The following MCMBP variants were observed in gnomAD, a reference collection of about 807,000 sequenced individuals.
The protein encoded by MCMBP is minichromosome maintenance complex binding protein.
A neutral mutation model predicts 81.3 loss-of-function variants in MCMBP; 31 were observed. That is an observed-to-expected ratio of 0.38 (90% CI 0.29 to 0.51). The LOEUF (loss-of-function observed/expected upper bound fraction) is 0.51. Ranked by LOEUF, MCMBP falls within the 20% of genes least tolerant of loss-of-function variation. The pLI, the probability that MCMBP is intolerant of heterozygous loss-of-function variation, is 0.87. For missense variants in MCMBP, 645 were observed against 772.1 expected (o/e 0.84, Z 1.95); for synonymous variants, 267 against 275.9 (o/e 0.97, Z 0.32).
Position 119,872,727 on chromosome 10 carries a change from C to T in MCMBP, c.-143G>A. ...CTCGCGCCCTCCCACGCACAGCGAGCCGCGGGGCGCGGGCCTCCCGCGCCT... is the reference window on the plus strand; with the variant it reads ...CTCGCGCCCTCCCACGCACAGCGAGTCGCGGGGCGCGGGCCTCCCGCGCCT... On this transcript the variant is annotated 5_prime_UTR_variant, in exon 1 of 16. Transcript: ENST00000369077. 1 of 255,766 alleles carries T rather than the reference C, an allele frequency of 3.9e-6. No homozygotes were observed. Among genetic ancestry groups the T allele is most frequent in the Non-Finnish European group, 6.6e-6 (1 of 151,440 alleles). The allele number at this position is 255,766 out of a possible 1,614,324, so 15.8% of individuals were successfully genotyped here.
At chr10:119,862,681 T>G (rs1853303654) in intron 1 of MCMBP, among the ~76,000 whole-genome samples, 2 of 152,322 alleles carry the variant, frequency 1.3e-5, no homozygotes, top group South Asian at 4.1e-4. Context: ...GAACATGAGC[T>G]TTCATTTCTC....
At chr10:119,838,284 T>C (rs1275138101) in intron 12 of MCMBP, among the ~76,000 whole-genome samples, 2 of 144,672 alleles carry the variant, frequency 1.4e-5, no homozygotes, top group African/African-American at 5.1e-5. Flanking sequence ...ATATATGATA[T>C]ATATTATATA....
intron 5 of MCMBP, among the ~76,000 whole-genome samples, chr10:119,854,758 ACCATCCTGGC>A (rs1389704608): frequency 6.6e-6 from 1 of 151,770 alleles, no homozygotes; most frequent in Non-Finnish European, 1.5e-5. Context: ...GGAGATTAAG[ACCATCCTGGC>A]CAACATGGTG....
chr10:119,856,991 T>C (rs1262536578), intron 5 of MCMBP, among the ~76,000 whole-genome samples: 2 of 150,664 alleles, frequency 1.3e-5, no homozygotes, highest in Non-Finnish European at 2.9e-5. Flanking sequence ...TCCCAGCTAC[T>C]TGGGAGGCTG....
chr10:119,853,044 C>G lies in MCMBP; in HGVS notation c.574+6G>C, dbSNP rs1298951951. The G allele has an allele frequency of 6.2e-7, 1 of 1,613,788 alleles. No homozygotes were observed. Among genetic ancestry groups the G allele is most frequent in the Non-Finnish European group, 8.5e-7 (1 of 1,179,870 alleles). The stretch of plus-strand genomic sequence containing the variant: ...AGTCTAGAGAAAACCTGTTGGCACA[C>G]ACTACCTGCTTGTCTGGCACCTGCA... On this transcript the variant is annotated splice_donor_region_variant and intron_variant, in intron 6 of 15. Transcript: ENST00000369077.
rs1851952075 is a variant in MCMBP at position 119,830,081 on chromosome 10, A to C, written c.*1393T>G. 1 of 152,664 alleles carries C rather than the reference A, an allele frequency of 6.6e-6. No individual in the cohort carries two copies. Among genetic ancestry groups the C allele is most frequent in the Non-Finnish European group, 1.5e-5 (1 of 68,040 alleles). The allele number at this position is 152,664 out of a possible 1,614,324, so 9.5% of individuals were successfully genotyped here. ...ATATAAACATTATTTACATTTGTTT[A>C]TAAAAATAGATTTGAGTTTAGGAAA... On this transcript the variant is annotated 3_prime_UTR_variant, in exon 16 of 16. Transcript: ENST00000369077.
At position 119,842,782 on chromosome 10, in the gene MCMBP, G is replaced by C. The variant is rs907219388; in HGVS notation, c.1001-187C>G. 3 of 444,478 alleles carry C rather than the reference G, an allele frequency of 6.7e-6. No homozygotes were observed. In the Admixed American group the frequency reaches 1.4e-4, roughly 21 times the overall value. 27.5% of individuals were successfully genotyped at this position (444,478 alleles called of 1,614,324 possible). On this transcript the variant is annotated intron_variant, in intron 9 of 15. Transcript: ENST00000369077. ...TTGCATCCTCCTTTTTTTTTTTTTT[G>C]AGACCAAGTTTTGCTCTTTTTGCCT...
chr10:119,853,799 A>G (rs1852921697), intron 5 of MCMBP, among the ~76,000 whole-genome samples: 2 of 152,256 alleles, frequency 1.3e-5, no homozygotes, highest in South Asian at 4.1e-4. Flanking sequence ...GTATAATACT[A>G]TAATGGACCC....
chr10:119,865,836 G>A (rs1589801636), intron 1 of MCMBP, among the ~76,000 whole-genome samples: 1 of 152,194 alleles, frequency 6.6e-6, no homozygotes, highest in East Asian at 1.9e-4. Context: ...AGCACTTTGG[G>A]AGGCCGAGGC....
At chr10:119,872,434 T>C (rs1853719749) in intron 1 of MCMBP, 93 bp downstream of exon 1, 2 of 727,794 alleles carry the variant, frequency 2.7e-6, no homozygotes, top group Non-Finnish European at 3.6e-6. Flanking sequence ...GCCCTCGAGA[T>C]GGTACCGCGT....
At chr10:119,847,741 T>C in intron 7 of MCMBP, 28 bp from the exon 8 acceptor site, 9 of 1,343,422 alleles carry the variant, frequency 6.7e-6, no homozygotes, top group Non-Finnish European at 8.5e-6. Flanking sequence ...GAAATCACAC[T>C]GTTAGAACAG....
intron 8 of MCMBP, among the ~76,000 whole-genome samples, chr10:119,845,962 A>T (rs563276080): frequency 2.1e-4 from 32 of 152,350 alleles, no homozygotes; most frequent in Admixed American, 2.1e-3. Flanking sequence ...TTTCACAGAC[A>T]TTAGAAATAC....
At chr10:119,838,405 C>T (rs1852325804) in intron 12 of MCMBP, 130 bp downstream of exon 12, 1 of 823,498 alleles carries the variant, frequency 1.2e-6, no homozygotes, top group Non-Finnish European at 1.8e-6. Flanking sequence ...TAATCAAATT[C>T]ATATGCCAAG....
At chr10:119,855,553 T>C (rs1815891440) in intron 5 of MCMBP, among the ~76,000 whole-genome samples, 1 of 152,042 alleles carries the variant, frequency 6.6e-6, no homozygotes, top group South Asian at 2.1e-4. Flanking sequence ...GCACCTGCAA[T>C]CCCAGCTACT....
At chr10:119,833,825 G>T (rs1321011978) in intron 14 of MCMBP, among the ~76,000 whole-genome samples, 2 of 151,738 alleles carry the variant, frequency 1.3e-5, no homozygotes, top group African/African-American at 4.8e-5. Flanking sequence ...AACATTCAAA[G>T]AAATAAAGGA....
Position 119,845,049 on chromosome 10 carries a change from A to G in MCMBP, c.828-1623T>C, listed in dbSNP as rs112038214. The stretch of plus-strand genomic sequence containing the variant: ...TAAACTCCCCTTCATATATTCATCT[A>G]TCCTATCAGTTCTGACCCTTTAGAG... On this transcript the variant is annotated intron_variant, in intron 8 of 15. Transcript: ENST00000369077. Among the ~76,000 whole-genome samples, 1,076 of 152,264 alleles carry G rather than the reference A, an allele frequency of 7.1e-3. 21 individuals carry two copies. The highest frequency in any genetic ancestry group is 0.025 in the African/African-American group (1,035 of 41,550).
At position 119,835,978 on chromosome 10, in the gene MCMBP, G is replaced by C. The variant is rs557281365; in HGVS notation, c.1543-274C>G. On this transcript the variant is annotated intron_variant, in intron 13 of 15. Coordinates refer to ENST00000369077, the MANE Select transcript of MCMBP (RefSeq NM_001256378.2). ...CAGCCTCCTCAGTAGTGGGACCACA[G>C]GTGCACGCCACCATGCCTGACTAAT... is the stretch of plus-strand genomic sequence containing the variant. Among the ~76,000 whole-genome samples the C allele has an allele frequency of 2.0e-5, 3 of 152,174 alleles. No individual in the cohort carries two copies. In the East Asian group the frequency reaches 5.8e-4, roughly 29 times the overall value.
chr10:119,830,858 A>AAAG lies in MCMBP; in HGVS notation c.*613_*615dup, dbSNP rs1253197292. The AAAG allele has an allele frequency of 6.5e-6, 1 of 152,676 alleles. No homozygotes were observed. The highest frequency in any genetic ancestry group is 2.4e-5 in the African/African-American group (1 of 41,462). 9.5% of individuals were successfully genotyped at this position (152,676 alleles called of 1,614,324 possible). A position where few individuals can be genotyped will look rare whatever the true frequency, so the allele number is the denominator to read the frequency against. On this transcript the variant is annotated 3_prime_UTR_variant, in exon 16 of 16. Coordinates refer to ENST00000369077, the MANE Select transcript of MCMBP (RefSeq NM_001256378.2). ...TATTACTACCGGTCCATAAAATACA[A>AAAG]AAGTCTGGGAACCACTGCCATGTAC... is the stretch of plus-strand genomic sequence containing the variant.
chr10:119,847,790 C>T (rs1182810864), intron 7 of MCMBP, 77 bp from the exon 8 acceptor site: 2 of 758,772 alleles, frequency 2.6e-6, no homozygotes, highest in Non-Finnish European at 4.2e-6. Context: ...GTACCAATAT[C>T]TTGGAATTTT....
Sources: gnomAD v4.1 joint callset for allele counts (sites outside exome capture counted in the v4.1 genomes callset) on GRCh38, gnomAD v4.1.1 for gene constraint, MANE v1.5 for transcripts, NCBI Gene and HGNC (gene_info 2026-07-23, HGNC 2026-07-21) for gene names.